DISP3: variants seen among roughly 807,000 people sequenced by gnomAD.
The protein encoded by DISP3 is dispatched RND transporter family member 3.
A neutral mutation model predicts 135.3 loss-of-function variants in DISP3; 101 were observed. That is an observed-to-expected ratio of 0.75 (90% CI 0.64 to 0.88). The LOEUF (loss-of-function observed/expected upper bound fraction) is 0.88. Ranked by LOEUF, DISP3 falls within the 40% of genes least tolerant of loss-of-function variation. DISP3 has a pLI of 0.00. For missense variants in DISP3, 1,713 were observed against 1,878.6 expected (o/e 0.91, Z 1.63); for synonymous variants, 856 against 817.0 (o/e 1.05, Z -0.81).
intron 3 of DISP3, among the ~76,000 whole-genome samples, chr1:11,503,587 G>A (rs952031055): frequency 6.6e-6 from 1 of 152,054 alleles, no homozygotes; most frequent in African/African-American, 2.4e-5. Context: ...AAGAGAGAGA[G>A]GAAATCACCT....
At position 11,501,774 on chromosome 1, in the gene DISP3, C is replaced by T. The variant is rs1203833018; in HGVS notation, c.782C>T (p.Ala261Val). 1 of 1,596,236 alleles carries T rather than the reference C, an allele frequency of 6.3e-7. No homozygotes were observed. The highest frequency in any genetic ancestry group is 8.6e-7 in the Non-Finnish European group (1 of 1,169,488). Residue 261 changes from alanine (A) to valine (V), a missense_variant, in exon 2 of 21, where the codon GCC (alanine) becomes GTC (valine). Around this residue, in one of 2 missense-constraint regions of DISP3, gnomAD observed 571 missense variants for 494.1 expected, o/e 1.16. Coordinates refer to ENST00000294484, the MANE Select transcript of DISP3 (RefSeq NM_020780.2). The surrounding 1 kb of genome is among the most constrained non-coding windows in gnomAD (Gnocchi z 4.9). ...GCCTCGCGCTGGGACTACTCGCGCG[C>T]CTATGTGAGTGCCAACACTCAGACG... ...RGASRWDYSR[A>V]YVSANTQTHA...
chr1:11,494,019 T>G (rs531684519), intron 1 of DISP3, among the ~76,000 whole-genome samples: 1 of 152,280 alleles, frequency 6.6e-6, no homozygotes, highest in South Asian at 2.1e-4. Flanking sequence ...CTTCAACAAG[T>G]ACTGACATAT....
intron 1 of DISP3, among the ~76,000 whole-genome samples, chr1:11,489,987 T>C (rs1186595286): frequency 1.3e-5 from 2 of 152,152 alleles, no homozygotes; most frequent in African/African-American, 4.8e-5. Flanking sequence ...TTGGGATCTT[T>C]TTATCTTTTA....
rs1642157796 is a variant in DISP3 at position 11,520,629 on chromosome 1, C to T, written c.2201-58C>T. 1.3e-6 allele frequency: 2 copies of T among 1,566,976 alleles called. No homozygotes were observed. Among genetic ancestry groups the T allele is most frequent in the Middle Eastern group, 1.7e-4 (1 of 5,816 alleles). ...GTTGTCTCCCGGCACTTTGGAGCCC[C>T]ACTGGGAACAGACCAGCTGGGCCCA... is the stretch of plus-strand genomic sequence containing the variant. On this transcript the variant is annotated intron_variant, in intron 9 of 20. Coordinates refer to ENST00000294484, the MANE Select transcript of DISP3 (RefSeq NM_020780.2). This position sits in a 1 kb window ranked among gnomAD's most constrained non-coding sequence, Gnocchi z 4.8.
chr1:11,513,894 A>G (rs1183884971), intron 3 of DISP3, among the ~76,000 whole-genome samples: 1 of 151,746 alleles, frequency 6.6e-6, no homozygotes, highest in Non-Finnish European at 1.5e-5. Flanking sequence ...CTTGGCCAGA[A>G]GCAGATGTCA....
Position 11,529,450 on chromosome 1 carries a change from AC to A in DISP3, c.2799-102del. On this transcript the variant is annotated intron_variant, in intron 13 of 20. Coordinates refer to ENST00000294484, the MANE Select transcript of DISP3 (RefSeq NM_020780.2). This position sits in a 1 kb window ranked among gnomAD's most constrained non-coding sequence, Gnocchi z 4.7. The stretch of plus-strand genomic sequence containing the variant: ...ATGCCGGGGCAGAGCCCGAGTCCAG[AC>A]CCCATGACACCCCAGCCCCAGTCCC... 3 of 1,335,068 alleles carry A rather than the reference AC, an allele frequency of 2.2e-6. No homozygotes were observed. Among genetic ancestry groups the A allele is most frequent in the Non-Finnish European group, 3.1e-6 (3 of 977,162 alleles). The allele number at this position is 1,335,068 out of a possible 1,614,324, so 82.7% of individuals were successfully genotyped here.
In DISP3 at chr1:11,535,761, G is replaced by A. The variant is rs543250160; in HGVS notation, c.3816+117G>A. The A allele has an allele frequency of 5.3e-4, 702 of 1,335,920 alleles. 9 individuals carry two copies. In the South Asian group the frequency reaches 9.5e-3, roughly 18 times the overall value. The allele number at this position is 1,335,920 out of a possible 1,614,324, so 82.8% of individuals were successfully genotyped here. A position where few individuals can be genotyped will look rare whatever the true frequency, so the allele number is the denominator to read the frequency against. The stretch of plus-strand genomic sequence containing the variant: ...TCCCAGCACCAGGACCCCCATGCAG[G>A]CTGTGTTCTAGAAACTAAGGTTTCC... On this transcript the variant is annotated intron_variant, in intron 20 of 20. Coordinates refer to ENST00000294484, the MANE Select transcript of DISP3 (RefSeq NM_020780.2).
intron 18 of DISP3, 109 bp downstream of exon 18, chr1:11,534,649 C>A: frequency 7.2e-7 from 1 of 1,397,766 alleles, no homozygotes; most frequent in African/African-American, 1.4e-5. Flanking sequence ...GGCCAAGAGC[C>A]CTGAGGAAAC....
Position 11,531,010 on chromosome 1 carries a change from G to A in DISP3, c.3206G>A (p.Gly1069Asp), listed in dbSNP as rs1473987348. The A allele has an allele frequency of 1.9e-6, 3 of 1,613,868 alleles. No individual in the cohort carries two copies. The highest frequency in any genetic ancestry group is 2.2e-5 in the East Asian group (1 of 44,862). The change falls in exon 16 of 21, where the codon GGT (glycine) becomes GAT (aspartate). Residue 1069 changes from glycine to aspartate, a missense_variant. By Grantham distance (94) the Gly-to-Asp change is moderately conservative (BLOSUM62 -1). Transcript: ENST00000294484. The surrounding 1 kb of genome is among the most constrained non-coding windows in gnomAD (Gnocchi z 5.2). ...GCCAACTCCGAGCTGGTGAAGCCGG[G>A]TGGGGCCCAGTGCCTGCCTTCAGGT... ...IAANSELVKP[G>D]GAQCLPSGYS... is the part of the protein sequence containing the mutation.
rs911235696 is a variant in DISP3, at chr1:11,536,701, T to C, written c.*15T>C. 1.4e-5 allele frequency: 21 copies of C among 1,526,714 alleles called. No homozygotes were observed. Among genetic ancestry groups the C allele is most frequent in the Middle Eastern group, 3.6e-4 (2 of 5,568 alleles). 94.6% of individuals were successfully genotyped at this position (1,526,714 alleles called of 1,614,324 possible). A position where few individuals can be genotyped will look rare whatever the true frequency, so the allele number is the denominator to read the frequency against. On this transcript the variant is annotated 3_prime_UTR_variant, in exon 21 of 21. Transcript: ENST00000294484. The surrounding 1 kb of genome is among the most constrained non-coding windows in gnomAD (Gnocchi z 4.3). ...CCTCCCTATAGCCCGGGACGGGCTC[T>C]GGACACTTGCACCTTTGGTCCCATG...
In DISP3 at chr1:11,502,671, C is replaced by T; in HGVS notation, c.1097-7C>T. The stretch of plus-strand genomic sequence containing the variant: ...AACTCTTGGGGCCCCCACCCCTGTC[C>T]TTGCAGGCTCCCTGGAGCTGGCCAT... On this transcript the variant is annotated splice_region_variant and splice_polypyrimidine_tract_variant and intron_variant, in intron 2 of 20. Transcript: ENST00000294484. 1.9e-6 allele frequency: 3 copies of T among 1,612,664 alleles called. No individual in the cohort carries two copies. The highest frequency in any genetic ancestry group is 1.1e-5 in the South Asian group (1 of 90,888).
Position 11,501,583 on chromosome 1 carries a change from C to T in DISP3, c.591C>T (p.Ala197=). The change falls in exon 2 of 21, where the codon GCC becomes GCT. Residue 197 remains alanine, a synonymous_variant. Transcript: ENST00000294484. The surrounding 1 kb of genome is among the most constrained non-coding windows in gnomAD (Gnocchi z 4.9). ...CTTCCGCGGCTCAAAAGCCCACAGC[C>T]AATCGGAGCGGGCGACTTCGGCGTG... The part of the protein sequence containing the change: ...RDTSAAQKPT[A]NRSGRLRRET... The T allele has an allele frequency of 6.3e-7, 1 of 1,594,038 alleles. No individual in the cohort carries two copies. Among genetic ancestry groups the T allele is most frequent in the Non-Finnish European group, 8.6e-7 (1 of 1,168,494 alleles).
At chr1:11,496,365 T>TGAGA (rs897901057) in intron 1 of DISP3, among the ~76,000 whole-genome samples, 1 of 152,020 alleles carries the variant, frequency 6.6e-6, no homozygotes, top group South Asian at 2.1e-4. Context: ...CCTGTATGTG[T>TGAGA]GAGAGAGAGA....
intron 13 of DISP3, 109 bp downstream of exon 13, chr1:11,526,944 C>CAT: frequency 9.8e-7 from 1 of 1,024,298 alleles, no homozygotes; most frequent in Non-Finnish European, 1.3e-6. Flanking sequence ...GGCCCCCTCA[C>CAT]TTTTTTTTTT....
Position 11,501,801 on chromosome 1 carries a change from A to C in DISP3, c.809A>C (p.His270Pro), listed in dbSNP as rs1357651135. Reference sequence around the variant, plus strand: ...TATGTGAGTGCCAACACTCAGACGCACGCGCACTGGCGCATCGAGCTCATC... The same window carrying C: ...TATGTGAGTGCCAACACTCAGACGCCCGCGCACTGGCGCATCGAGCTCATC... ...RAYVSANTQTHAHWRIELIFL... is the reference protein window; with the variant it reads ...RAYVSANTQTPAHWRIELIFL... Residue 270 changes from histidine (H) to proline (P), a missense_variant, in exon 2 of 21, where the codon CAC becomes CCC. Coordinates refer to ENST00000294484, the MANE Select transcript of DISP3 (RefSeq NM_020780.2). This position sits in a 1 kb window ranked among gnomAD's most constrained non-coding sequence, Gnocchi z 4.9. 6.2e-7 allele frequency: 1 copy of C among 1,606,348 alleles called. No homozygotes were observed. Among genetic ancestry groups the C allele is most frequent in the African/African-American group, 1.3e-5 (1 of 74,784 alleles).
chr1:11,509,119 A>C (rs1413283825), intron 3 of DISP3, among the ~76,000 whole-genome samples: 2 of 152,050 alleles, frequency 1.3e-5, no homozygotes, highest in Non-Finnish European at 2.9e-5. Context: ...TTCAGTTCAA[A>C]ATACTTTCTA....
At chr1:11,481,506 C>A (rs1480883318) in intron 1 of DISP3, 1 of 152,162 alleles carries the variant, frequency 6.6e-6, no homozygotes, top group African/African-American at 2.4e-5. Context: ...TCCTTCAAAT[C>A]CAGAAACTGG....
At chr1:11,509,505 T>G (rs1204358201) in intron 3 of DISP3, among the ~76,000 whole-genome samples, 2 of 152,208 alleles carry the variant, frequency 1.3e-5, no homozygotes, top group African/African-American at 4.8e-5. Context: ...GAAATATCTA[T>G]CTACAATCGG....
At position 11,515,428 on chromosome 1, in the gene DISP3, C is replaced by T; in HGVS notation, c.1513C>T (p.Leu505=). ...TCTCAGCTGCCTGGTGGCCCTCTTC[C>T]TGTACCACGTGGTCTTTGGTATCCA... The part of the protein sequence containing the change: ...IGLSCLVALF[L]YHVVFGIQYL... Residue 505 remains leucine (L), a synonymous_variant, in exon 5 of 21, where the codon CTG becomes TTG. Coordinates refer to ENST00000294484, the MANE Select transcript of DISP3 (RefSeq NM_020780.2). 6.2e-7 allele frequency: 1 copy of T among 1,614,154 alleles called. No homozygotes were observed. Among genetic ancestry groups the T allele is most frequent in the East Asian group, 2.2e-5 (1 of 44,892 alleles).
Sources: gnomAD v4.1 joint callset for allele counts (sites outside exome capture counted in the v4.1 genomes callset) on GRCh38, gnomAD v4.1.1 for gene constraint, gnomAD v4.1.1 regional missense constraint, Gnocchi (gnomAD v3.1) non-coding constraint, MANE v1.5 for transcripts, NCBI Gene and HGNC (gene_info 2026-07-23, HGNC 2026-07-21) for gene names.